KATNAL1: variants seen among roughly 807,000 people sequenced by gnomAD.
KATNAL1 encodes katanin catalytic subunit A1 like 1, also known as katanin p60 ATPase-containing subunit A-like 1.
KATNAL1 carries 32 observed loss-of-function variants against 55.2 expected under a neutral mutation model. That is an observed-to-expected ratio of 0.58 (90% CI 0.44 to 0.78). The LOEUF (loss-of-function observed/expected upper bound fraction) is 0.78, where lower values mean the gene tolerates loss of function less well. Among genes scored for constraint, KATNAL1 ranks in the 30% least tolerant of loss-of-function variants. The pLI is 0.00. For synonymous variants in KATNAL1, 193 were observed against 193.6 expected, an observed-to-expected ratio of 1.00 and a Z score of 0.02; for missense variants, 466 against 600.9, an observed-to-expected ratio of 0.78 and a Z score of 2.35.
intron 3 of KATNAL1, among the ~76,000 whole-genome samples, chr13:30,277,502 C>T (rs1593934503): frequency 6.6e-6 from 1 of 152,218 alleles, no homozygotes; most frequent in Non-Finnish European, 1.5e-5. Flanking sequence ...TGTTATCTAA[C>T]ATTCACTATC....
rs530391832 is a variant in KATNAL1 at position 30,267,045 on chromosome 13, G to A, written c.324-11430C>T. 5.9e-4 allele frequency among the ~76,000 whole-genome samples: 90 copies of A among 152,238 alleles called. 1 individual carries two copies. In the South Asian group the frequency reaches 0.017, roughly 29 times the overall value. On this transcript the variant is annotated intron_variant, in intron 3 of 10. Transcript: ENST00000380615. ...TTCATTCAATCATTTTGAGAGTGGG[G>A]CAAGGGGTGTGAAAACTACTAAACC...
At chr13:30,253,309 C>T (rs891778247) in intron 4 of KATNAL1, among the ~76,000 whole-genome samples, 36 of 152,080 alleles carry the variant, frequency 2.4e-4, no homozygotes, top group African/African-American at 3.9e-4. Flanking sequence ...CAAACAACTG[C>T]GGAGTTCTTT....
chr13:30,305,740 G>T (rs937173766), intron 1 of KATNAL1, among the ~76,000 whole-genome samples: 1 of 152,166 alleles, frequency 6.6e-6, no homozygotes, highest in African/African-American at 2.4e-5. Flanking sequence ...AGAGCAACTT[G>T]CACTTATCTC....
chr13:30,227,600 T>A (rs1353576966), intron 8 of KATNAL1, 54 bp from the exon 9 acceptor site: 6 of 1,564,098 alleles, frequency 3.8e-6, no homozygotes, highest in Non-Finnish European at 5.2e-6. Flanking sequence ...TCTTTATTCT[T>A]TCATTCAATT....
At chr13:30,280,472 T>C (rs994685941) in intron 2 of KATNAL1, among the ~76,000 whole-genome samples, 1 of 152,186 alleles carries the variant, frequency 6.6e-6, no homozygotes, top group African/African-American at 2.4e-5. Context: ...ATTCCATTTC[T>C]ACCAAAGAAC....
chr13:30,270,136 G>A (rs1222930659), intron 3 of KATNAL1, among the ~76,000 whole-genome samples: 2 of 127,850 alleles, frequency 1.6e-5, no homozygotes, highest in Admixed American at 7.4e-5. Context: ...GCCTCTGCCC[G>A]GCCGCCCCTA....
chr13:30,209,315 G>C (rs2031998), intron 10 of KATNAL1, among the ~76,000 whole-genome samples: 25,241 of 152,156 alleles, frequency 0.17, 2,484 homozygotes, highest in East Asian at 0.35. Flanking sequence ...TGGAAGAAAA[G>C]GATAATTCAT....
At chr13:30,306,941 T>A (rs1439618493) in intron 1 of KATNAL1, 1 of 152,372 alleles carries the variant, frequency 6.6e-6, no homozygotes, top group Non-Finnish European at 1.5e-5. Flanking sequence ...GAGGCTCACC[T>A]CCACTTCCCT....
chr13:30,232,201 T>C (rs544203972), intron 6 of KATNAL1, among the ~76,000 whole-genome samples: 84 of 152,288 alleles, frequency 5.5e-4, no homozygotes, highest in African/African-American at 1.9e-3. Flanking sequence ...TAAAAACTAA[T>C]GGGTTCTTAA....
chr13:30,304,831 C>T (rs1015466142), intron 1 of KATNAL1, among the ~76,000 whole-genome samples: 1 of 152,222 alleles, frequency 6.6e-6, no homozygotes, highest in African/African-American at 2.4e-5. Context: ...TCCTCCTCAT[C>T]TCAATCAACG....
rs1358638543 is a variant in KATNAL1 at position 30,204,702 on chromosome 13, G to A, written c.*3838C>T. On this transcript the variant is annotated 3_prime_UTR_variant, in exon 11 of 11. Coordinates refer to ENST00000380615, the MANE Select transcript of KATNAL1 (RefSeq NM_032116.5). Reference sequence around the variant, plus strand: ...GTATGACTGTCCATAGATTCACCAGGTATTGGTTTGCTTACTTTTTGAGTA... The same window carrying A: ...GTATGACTGTCCATAGATTCACCAGATATTGGTTTGCTTACTTTTTGAGTA... The A allele has an allele frequency of 6.6e-6, 1 of 152,236 alleles. No homozygotes were observed. The highest frequency in any genetic ancestry group is 3.4e-3 in the Middle Eastern group (1 of 294). The allele number at this position is 152,236 out of a possible 1,614,324, so 9.4% of individuals were successfully genotyped here.
chr13:30,280,807 T>C (rs950116820), intron 2 of KATNAL1, among the ~76,000 whole-genome samples: 5 of 152,180 alleles, frequency 3.3e-5, no homozygotes, highest in Non-Finnish European at 7.4e-5. Context: ...TATTTTGATT[T>C]CAAAGACAAG....
intron 3 of KATNAL1, among the ~76,000 whole-genome samples, chr13:30,273,975 G>A (rs1248651463): frequency 6.6e-6 from 1 of 152,034 alleles, no homozygotes; most frequent in South Asian, 2.1e-4. Flanking sequence ...CTACAAAATC[G>A]TAAGCCTAAG....
chr13:30,210,950 C>T (rs11620199), intron 9 of KATNAL1, among the ~76,000 whole-genome samples: 7,085 of 152,180 alleles, frequency 0.047, 235 homozygotes, highest in African/African-American at 0.091. Flanking sequence ...ACAAAAAGCT[C>T]ATTAATGTAT....
At chr13:30,302,948 C>A (rs760705493) in intron 1 of KATNAL1, among the ~76,000 whole-genome samples, 3 of 152,148 alleles carry the variant, frequency 2.0e-5, no homozygotes, top group Non-Finnish European at 4.4e-5. Flanking sequence ...GGATCAGCAA[C>A]TAAGCATTAA....
chr13:30,224,043 GA>G (rs1260540978), intron 9 of KATNAL1, among the ~76,000 whole-genome samples: 1 of 151,976 alleles, frequency 6.6e-6, no homozygotes, highest in Non-Finnish European at 1.5e-5. Flanking sequence ...TCAACAATAA[GA>G]TATCTAGAAA....
rs542697319 is a variant in KATNAL1, at chr13:30,252,504, C to T, written c.492+2943G>A. Among the ~76,000 whole-genome samples the T allele has an allele frequency of 8.7e-4, 133 of 152,156 alleles. 2 individuals carry two copies. The highest frequency in any genetic ancestry group is 3.1e-3 in the African/African-American group (128 of 41,506). On this transcript the variant is annotated intron_variant, in intron 4 of 10. Coordinates refer to ENST00000380615, the MANE Select transcript of KATNAL1 (RefSeq NM_032116.5). ...AGCTTTCAAAATTCTGACCCAGGCA[C>T]AAAGTAATAAATGCATTCTGGATCA...
intron 9 of KATNAL1, among the ~76,000 whole-genome samples, chr13:30,221,701 T>C (rs546738431): frequency 1.9e-4 from 29 of 152,328 alleles, no homozygotes; most frequent in African/African-American, 6.3e-4. Flanking sequence ...TTGGGGTCTG[T>C]GATGGTTAAT....
intron 4 of KATNAL1, among the ~76,000 whole-genome samples, chr13:30,248,903 C>CA (rs1451180337): frequency 7.2e-5 from 11 of 152,232 alleles, no homozygotes; most frequent in African/African-American, 2.6e-4. Flanking sequence ...ACCAAAAATA[C>CA]AAAAAATTAG....
Sources: allele counts gnomAD v4.1 joint callset (sites outside exome capture counted in the v4.1 genomes callset), GRCh38; gene constraint gnomAD v4.1.1; transcripts MANE v1.5; gene names NCBI Gene and HGNC (gene_info 2026-07-23, HGNC 2026-07-21).